The following KAZN variants were observed in gnomAD, a reference collection of about 807,000 sequenced individuals.
KAZN encodes the protein kazrin.
Under a neutral mutation model 87.4 loss-of-function variants are expected in KAZN, and 40 were observed. The ratio of observed to expected loss-of-function variants is 0.46; its 90% CI spans 0.36 to 0.60. The LOEUF is 0.60. KAZN is among the 20% of genes least tolerant of loss of function. KAZN has a pLI of 0.00. For synonymous variants in KAZN, 466 were observed against 458.3 expected (o/e 1.02, Z -0.22); for missense variants, 898 against 1,073.9 (o/e 0.84, Z 2.29).
intron 1 of KAZN, among the ~76,000 whole-genome samples, chr1:14,775,003 C>G (rs1427201435): frequency 1.3e-5 from 2 of 152,190 alleles, no homozygotes; most frequent in African/African-American, 4.8e-5. Flanking sequence ...AGCTCCCAGG[C>G]CTGGGAAAGG....
intron 1 of KAZN, among the ~76,000 whole-genome samples, chr1:14,784,833 C>T (rs766846740): frequency 6.6e-6 from 1 of 152,096 alleles, no homozygotes; most frequent in African/African-American, 2.4e-5. Flanking sequence ...CTGGGACAGG[C>T]GGAAATACAT....
At chr1:14,936,901 T>A (rs1660523139) in intron 1 of KAZN, among the ~76,000 whole-genome samples, 1 of 152,182 alleles carries the variant, frequency 6.6e-6, no homozygotes, top group African/African-American at 2.4e-5. Flanking sequence ...CAGTCCCCCT[T>A]CTGTCTCCAG....
At chr1:14,774,356 T>C (rs750984515) in intron 1 of KAZN, among the ~76,000 whole-genome samples, 2 of 152,144 alleles carry the variant, frequency 1.3e-5, no homozygotes, top group Non-Finnish European at 2.9e-5. Context: ...CCCAGTGCCC[T>C]GAACATACAG....
At chr1:13,932,343 C>T (rs1381763216) in intron 1 of KAZN, among the ~76,000 whole-genome samples, 2 of 147,354 alleles carry the variant, frequency 1.4e-5, no homozygotes, top group Admixed American at 6.8e-5. Flanking sequence ...TCACTGCAAG[C>T]TCCGCCTCCC....
chr1:14,299,706 A>AC (rs1654396389), intron 2 of KAZN, among the ~76,000 whole-genome samples: 1 of 152,120 alleles, frequency 6.6e-6, no homozygotes, highest in Non-Finnish European at 1.5e-5. Flanking sequence ...AGCTGGCGGC[A>AC]CCTAGGTAAT....
Position 14,068,889 on chromosome 1 carries a change from C to A in KAZN, c.92-111546C>A, listed in dbSNP as rs146431287. On this transcript the variant is annotated intron_variant, in intron 1 of 16. Coordinates refer to the KAZN transcript ENST00000636203. ...TCTCAGCTTACTGCAACCTCTGCCT[C>A]CCGAGTTCAAGTGATTCTCCTGCTT... 9.9e-3 allele frequency among the ~76,000 whole-genome samples: 1,500 copies of A among 151,848 alleles called. 16 individuals are homozygous for A. Among genetic ancestry groups the A allele is most frequent in the Non-Finnish European group, 0.017 (1,168 of 67,992 alleles).
At chr1:13,955,560 G>T (rs1641514140) in intron 1 of KAZN, among the ~76,000 whole-genome samples, 1 of 152,112 alleles carries the variant, frequency 6.6e-6, no homozygotes, top group South Asian at 2.1e-4. Context: ...GGCATTTGGG[G>T]TGGTGTCTTT....
intron 2 of KAZN, among the ~76,000 whole-genome samples, chr1:14,395,684 C>A (rs1299509186): frequency 6.6e-6 from 1 of 152,160 alleles, no homozygotes; most frequent in Non-Finnish European, 1.5e-5. Flanking sequence ...CTAGGGTATC[C>A]TTGATCCAGA....
chr1:13,932,810 G>A (rs1049107052), intron 1 of KAZN, among the ~76,000 whole-genome samples: 1 of 152,128 alleles, frequency 6.6e-6, no homozygotes, highest in African/African-American at 2.4e-5. Context: ...TGGGGAGGAG[G>A]TTGTCACGCA....
chr1:14,436,191 T>G (rs1303558040), intron 2 of KAZN, among the ~76,000 whole-genome samples: 1 of 151,798 alleles, frequency 6.6e-6, no homozygotes, highest in Non-Finnish European at 1.5e-5. Flanking sequence ...ATCGCGCCAT[T>G]GCACTCCAGC....
At chr1:14,526,020 A>C (rs1671843490) in intron 2 of KAZN, among the ~76,000 whole-genome samples, 1 of 152,152 alleles carries the variant, frequency 6.6e-6, no homozygotes, top group African/African-American at 2.4e-5. Flanking sequence ...TCCTCAATGG[A>C]TCTCCGCTAC....
At chr1:14,742,471 G>A (rs751546784) in intron 1 of KAZN, among the ~76,000 whole-genome samples, 8 of 152,198 alleles carry the variant, frequency 5.3e-5, no homozygotes, top group South Asian at 2.1e-4. Context: ...GCATTCTTGC[G>A]TACGTGCTTG....
intron 2 of KAZN, among the ~76,000 whole-genome samples, chr1:14,997,529 C>G (rs557416727): frequency 6.6e-6 from 1 of 152,096 alleles, no homozygotes; most frequent in Admixed American, 6.5e-5. Flanking sequence ...TGTGAGCCAC[C>G]GCACCTGGCC....
At chr1:14,831,019 C>T (rs1647034397) in intron 1 of KAZN, among the ~76,000 whole-genome samples, 1 of 152,188 alleles carries the variant, frequency 6.6e-6, no homozygotes, top group South Asian at 2.1e-4. Flanking sequence ...TCTGATGACC[C>T]AGGCGCTCTC....
At chr1:14,131,250 C>T (rs945003123) in intron 1 of KAZN, among the ~76,000 whole-genome samples, 2 of 152,168 alleles carry the variant, frequency 1.3e-5, no homozygotes, top group Admixed American at 1.3e-4. Flanking sequence ...TCCCTCTCAA[C>T]ACCGGGGATT....
intron 2 of KAZN, among the ~76,000 whole-genome samples, chr1:14,483,944 G>C (rs1669214332): frequency 6.6e-6 from 1 of 152,124 alleles, no homozygotes; most frequent in Middle Eastern, 3.2e-3. Flanking sequence ...TTTGTATATG[G>C]TGTGAGATAA....
intron 2 of KAZN, among the ~76,000 whole-genome samples, chr1:14,408,074 C>A (rs772134095): frequency 6.6e-6 from 1 of 152,114 alleles, no homozygotes; most frequent in South Asian, 2.1e-4. Flanking sequence ...CCCCTCAGGT[C>A]AGGTTTTGCA....
chr1:14,828,794 A>G (rs2100865210), intron 1 of KAZN, among the ~76,000 whole-genome samples: 1 of 152,248 alleles, frequency 6.6e-6, no homozygotes, highest in South Asian at 2.1e-4. Context: ...CCATCTTTCC[A>G]AGTTGGCATC....
intron 2 of KAZN, among the ~76,000 whole-genome samples, chr1:14,533,738 G>A (rs1331247607): frequency 6.6e-6 from 1 of 152,142 alleles, no homozygotes; most frequent in Non-Finnish European, 1.5e-5. Flanking sequence ...GCTTCATGGA[G>A]ATTTCCAGTC....
Sources: allele counts gnomAD v4.1 joint callset (sites outside exome capture counted in the v4.1 genomes callset), GRCh38; gene constraint gnomAD v4.1.1; transcripts MANE v1.5; gene names NCBI Gene and HGNC (gene_info 2026-07-23, HGNC 2026-07-21).